Variants in ULK2 observed in about 807,000 individuals in gnomAD.
ULK2 encodes the protein serine/threonine-protein kinase ULK2.
A neutral mutation model predicts 127.5 loss-of-function variants in ULK2; 76 were observed. The observed-to-expected ratio is 0.60, with a 90% CI of 0.50 to 0.72. The LOEUF (loss-of-function observed/expected upper bound fraction) is 0.72, where lower values mean the gene tolerates loss of function less well. ULK2 is among the 30% of genes least tolerant of loss of function. The pLI is 0.00. For missense variants in ULK2, 1,144 were observed against 1,295.9 expected (o/e 0.88, Z 1.80); for synonymous variants, 452 against 461.9 (o/e 0.98, Z 0.28).
chr17:19,814,439 T>TACATATATATATATACATA (rs1491246393), intron 13 of ULK2, among the ~76,000 whole-genome samples: 1 of 10,004 alleles, frequency 1.0e-4, no homozygotes, highest in East Asian at 1.0e-3. Context: ...TATATATATA[T>TACATATATATATATACATA]TTTTTTTTTT....
rs114354097 is a variant in ULK2, at chr17:19,827,968, A to C, written c.788-1782T>G. Among the ~76,000 whole-genome samples, 1,188 of 152,200 alleles carry C rather than the reference A, an allele frequency of 7.8e-3. 14 individuals are homozygous for C. The highest frequency in any genetic ancestry group is 0.027 in the African/African-American group (1,118 of 41,544). On this transcript the variant is annotated intron_variant, in intron 10 of 26. Coordinates refer to ENST00000395544, the MANE Select transcript of ULK2 (RefSeq NM_014683.4). The stretch of plus-strand genomic sequence containing the variant: ...TAAGATAAACTGATGAGACCCACAC[A>C]GAGTTACAGAATCAAACTTTCAAAA...
intron 20 of ULK2, among the ~76,000 whole-genome samples, chr17:19,790,346 A>G (rs1409873172): frequency 6.6e-6 from 1 of 152,158 alleles, no homozygotes; most frequent in Non-Finnish European, 1.5e-5. Context: ...GAACCCAGGA[A>G]GCAGAGGTTA....
intron 3 of ULK2, among the ~76,000 whole-genome samples, chr17:19,851,138 C>A (rs2042004909): frequency 1.3e-5 from 2 of 148,448 alleles, no homozygotes; most frequent in African/African-American, 5.0e-5. Flanking sequence ...CATGGTGAAA[C>A]CCTGTCTCTA....
At chr17:19,836,377 C>G (rs1322847947) in intron 10 of ULK2, among the ~76,000 whole-genome samples, 1 of 151,872 alleles carries the variant, frequency 6.6e-6, no homozygotes, top group African/African-American at 2.4e-5. Context: ...CCACTGCACT[C>G]CAGCCTGGGC....
chr17:19,804,755 C>T lies in ULK2; in HGVS notation c.1233G>A (p.Gln411=). 6.2e-7 allele frequency: 1 copy of T among 1,612,940 alleles called. No individual in the cohort carries two copies. Among genetic ancestry groups the T allele is most frequent in the Non-Finnish European group, 8.5e-7 (1 of 1,179,354 alleles). Residue 411 remains glutamine, a synonymous_variant, in exon 15 of 27, where the codon CAG becomes CAA. Transcript: ENST00000395544. ...TAGATGTAAGATTCTGCTCTATGCG[C>T]TGATAATTCCTTATTTGAGTAGGAA... The part of the protein sequence containing the change: ...IPVPTQIRNY[Q]RIEQNLTSTA...
chr17:19,776,431 A>C, intron 26 of ULK2, 24 bp from the exon 27 acceptor site: 1 of 1,560,744 alleles, frequency 6.4e-7, no homozygotes, highest in Non-Finnish European at 8.7e-7. Context: ...AACAAAAATG[A>C]AGAACTAATG....
chr17:19,818,797 CTTTTTTT>C (rs71157835), intron 12 of ULK2, among the ~76,000 whole-genome samples: 3 of 77,764 alleles, frequency 3.9e-5, no homozygotes, highest in African/African-American at 1.4e-4. Context: ...TTTCTTTTTT[CTTTTTTT>C]TTTTTTTTTT....
At chr17:19,783,944 T>A in intron 21 of ULK2, 39 bp from the exon 22 acceptor site, 1 of 1,381,374 alleles carries the variant, frequency 7.2e-7, no homozygotes, top group Non-Finnish European at 9.4e-7. Flanking sequence ...TGTCCAGAGT[T>A]AGGGCTTTCA....
intron 1 of ULK2, among the ~76,000 whole-genome samples, chr17:19,867,064 T>C (rs1311211077): frequency 6.6e-6 from 1 of 152,108 alleles, no homozygotes; most frequent in Non-Finnish European, 1.5e-5. Flanking sequence ...GTGCAAACGC[T>C]CCTGCGGGCG....
intron 8 of ULK2, 58 bp downstream of exon 8, chr17:19,843,063 C>T (rs968271884): frequency 5.3e-6 from 7 of 1,315,216 alleles, no homozygotes; most frequent in East Asian, 2.3e-5. Context: ...ACAAATCAAA[C>T]GCAACTATAA....
chr17:19,782,147 G>A (rs922205991), intron 22 of ULK2, 80 bp from the exon 23 acceptor site: 8 of 1,357,866 alleles, frequency 5.9e-6, no homozygotes, highest in Admixed American at 4.5e-5. Context: ...AACCATGGCC[G>A]CTGATCATGT....
At chr17:19,859,113 C>T (rs2042190316) in intron 3 of ULK2, among the ~76,000 whole-genome samples, 1 of 151,030 alleles carries the variant, frequency 6.6e-6, no homozygotes, top group Non-Finnish European at 1.5e-5. Context: ...AACATAGTGA[C>T]CTCATCTCTA....
At chr17:19,798,349 G>A (rs1312018688) in intron 17 of ULK2, among the ~76,000 whole-genome samples, 1 of 152,102 alleles carries the variant, frequency 6.6e-6, no homozygotes, top group Non-Finnish European at 1.5e-5. Flanking sequence ...CTCTTCAGGG[G>A]ACACCAAATC....
intron 16 of ULK2, 56 bp downstream of exon 16, chr17:19,801,721 C>A: frequency 6.2e-7 from 1 of 1,600,158 alleles, no homozygotes; most frequent in Non-Finnish European, 8.5e-7. Context: ...TGTGTCATGT[C>A]AGATTTATTA....
chr17:19,836,784 T>G (rs1269722562), intron 10 of ULK2, among the ~76,000 whole-genome samples: 1 of 151,162 alleles, frequency 6.6e-6, no homozygotes, highest in Admixed American at 6.6e-5. Flanking sequence ...CGGGCGCCTG[T>G]AATCCCAGCT....
chr17:19,805,591 T>A (rs1192946392), intron 14 of ULK2, among the ~76,000 whole-genome samples: 3 of 152,194 alleles, frequency 2.0e-5, no homozygotes, highest in Non-Finnish European at 4.4e-5. Flanking sequence ...AACTTAAATT[T>A]TATTAGTGGC....
intron 3 of ULK2, among the ~76,000 whole-genome samples, chr17:19,860,531 T>G (rs1232902334): frequency 6.6e-6 from 1 of 151,860 alleles, no homozygotes; most frequent in Non-Finnish European, 1.5e-5. Flanking sequence ...CCTCTTTTTT[T>G]TTTTTTTTTT....
chr17:19,825,018 T>G (rs2041252422), intron 12 of ULK2, 76 bp downstream of exon 12: 9 of 1,279,388 alleles, frequency 7.0e-6, no homozygotes, highest in Non-Finnish European at 1.0e-5. Flanking sequence ...ATATCCACAG[T>G]GTATGTGCAT....
chr17:19,804,771 T>C lies in ULK2; in HGVS notation c.1217A>G (p.Gln406Arg), dbSNP rs373396005. Reference sequence around the variant, plus strand: ...CTCTATGCGCTGATAATTCCTTATTTGAGTAGGAACTGGAATTGGTGCTGT... The same window carrying C: ...CTCTATGCGCTGATAATTCCTTATTCGAGTAGGAACTGGAATTGGTGCTGT... ...SETAPIPVPT[Q>R]IRNYQRIEQN... The change falls in exon 15 of 27, where the codon CAA becomes CGA. Residue 406 changes from glutamine (Q) to arginine (R), a missense_variant. Around this residue, in one of 2 missense-constraint regions of ULK2, gnomAD observed 913 missense variants for 970.5 expected, o/e 0.94. Transcript: ENST00000395544. The C allele has an allele frequency of 7.4e-6, 12 of 1,612,956 alleles. No homozygotes were observed. In the East Asian group the frequency reaches 2.2e-4, roughly 30 times the overall value.
Sources: allele counts gnomAD v4.1 joint callset (sites outside exome capture counted in the v4.1 genomes callset), GRCh38; gene constraint gnomAD v4.1.1; regional missense constraint gnomAD v4.1.1; transcripts MANE v1.5; gene names NCBI Gene and HGNC (gene_info 2026-07-23, HGNC 2026-07-21).